The following ARHGEF10L variants were observed in gnomAD, a reference collection of about 807,000 sequenced individuals.
ARHGEF10L encodes the protein Rho guanine nucleotide exchange factor 10 like.
Under a neutral mutation model 141.2 loss-of-function variants are expected in ARHGEF10L, and 69 were observed. The ratio of observed to expected loss-of-function variants is 0.49; its 90% CI spans 0.40 to 0.60. The LOEUF is 0.60. Among genes scored for constraint, ARHGEF10L ranks in the 20% least tolerant of loss-of-function variants. The pLI, the probability that ARHGEF10L is intolerant of heterozygous loss-of-function variation, is 0.00. For synonymous variants in ARHGEF10L, 711 were observed against 718.5 expected, an observed-to-expected ratio of 0.99 and a Z score of 0.17; for missense variants, 1,482 against 1,734.3, an observed-to-expected ratio of 0.85 and a Z score of 2.58.
chr1:17,538,458 A>G (rs1365583809), upstream of ARHGEF10L, among the ~76,000 whole-genome samples: 1 of 152,186 alleles, frequency 6.6e-6, no homozygotes, highest in Non-Finnish European at 1.5e-5. Context: ...GGCTCAGGAC[A>G]ACTCTGTGGT....
chr1:17,567,601 C>T (rs2077814827), intron 1 of ARHGEF10L, among the ~76,000 whole-genome samples: 1 of 152,206 alleles, frequency 6.6e-6, no homozygotes, highest in South Asian at 2.1e-4. Context: ...CTCCTGACCT[C>T]AAGTGATCCA....
At chr1:17,581,264 A>ATC (rs539092660) in intron 2 of ARHGEF10L, among the ~76,000 whole-genome samples, 59 of 142,272 alleles carry the variant, frequency 4.1e-4, no homozygotes, top group Non-Finnish European at 7.7e-4. Flanking sequence ...GTGAGCCAAG[A>ATC]TCACACCACT....
In ARHGEF10L at chr1:17,638,608, G is replaced by A. The variant is rs551222032; in HGVS notation, c.2090G>A (p.Arg697Lys). ...CAAGACTGGTGCCTGGCCCTGCAGA[G>A]GCTGATGCGGGTGAAGGAGGAAGAG... ...VAQDWCLALQ[R>K]LMRVKEEEIH... Residue 697 changes from arginine to lysine, a missense_variant, in exon 20 of 29, where the codon AGG becomes AAG. By Grantham distance (26) the Arg-to-Lys change is conservative. Around this residue, in one of 3 missense-constraint regions of ARHGEF10L, gnomAD observed 858 missense variants for 966.3 expected, o/e 0.89. Coordinates refer to ENST00000361221, the MANE Select transcript of ARHGEF10L (RefSeq NM_018125.4). The A allele has an allele frequency of 2.8e-5, 46 of 1,614,186 alleles. No individual in the cohort carries two copies. The highest frequency in any genetic ancestry group is 3.6e-5 in the Non-Finnish European group (43 of 1,180,038).
At chr1:17,583,518 A>G (rs979590956) in intron 2 of ARHGEF10L, among the ~76,000 whole-genome samples, 7 of 152,120 alleles carry the variant, frequency 4.6e-5, no homozygotes, top group Non-Finnish European at 1.0e-4. Flanking sequence ...CCTCCTCCCA[A>G]CAACCCTGTG....
intron 26 of ARHGEF10L, among the ~76,000 whole-genome samples, chr1:17,680,176 G>A (rs961207777): frequency 1.3e-5 from 2 of 152,104 alleles, no homozygotes; most frequent in African/African-American, 2.4e-5. Flanking sequence ...GACGCTGCGC[G>A]CACAGTGCCC....
At chr1:17,608,853 C>T (rs766809950) in intron 7 of ARHGEF10L, among the ~76,000 whole-genome samples, 11 of 152,178 alleles carry the variant, frequency 7.2e-5, no homozygotes, top group African/African-American at 1.4e-4. Context: ...GGCCCTATCT[C>T]GGCTCACTGT....
chr1:17,575,574 C>T (rs925453474), intron 1 of ARHGEF10L, among the ~76,000 whole-genome samples: 5 of 152,216 alleles, frequency 3.3e-5, no homozygotes, highest in Admixed American at 2.6e-4. Context: ...AGGCCAGGCC[C>T]GGAGCCGATG....
rs1382907683 is a variant in ARHGEF10L, at chr1:17,627,350, C to T, written c.1431C>T (p.Pro477=). 3 of 1,614,098 alleles carry T rather than the reference C, an allele frequency of 1.9e-6. No individual in the cohort carries two copies. In the South Asian group the frequency reaches 3.3e-5, roughly 18 times the overall value. ...LLLQDMLKNT[P]RGHPDRLSLQ... ...GGCAGGACATGCTGAAGAACACCCC[C>T]AGGGGCCATCCGGACAGGCTGTCGC... is the stretch of plus-strand genomic sequence containing the variant. The change falls in exon 15 of 29, where the codon CCC becomes CCT. Residue 477 remains proline, a synonymous_variant. Transcript: ENST00000361221. This position sits in a 1 kb window ranked among gnomAD's most constrained non-coding sequence, Gnocchi z 4.0.
chr1:17,675,743 T>G (rs989083057), intron 26 of ARHGEF10L, among the ~76,000 whole-genome samples: 2 of 128,182 alleles, frequency 1.6e-5, no homozygotes, highest in African/African-American at 6.1e-5. Flanking sequence ...TGCAGGTGTG[T>G]TCAGGTGTAG....
intron 11 of ARHGEF10L, 150 bp from the exon 12 acceptor site, chr1:17,622,846 C>T (rs1311833607): frequency 2.0e-5 from 15 of 755,338 alleles, no homozygotes; most frequent in Non-Finnish European, 2.9e-5. Context: ...GATGGAGATC[C>T]TTCCGGAAGG....
intron 25 of ARHGEF10L, 46 bp from the exon 26 acceptor site, chr1:17,664,401 G>T: frequency 6.3e-7 from 1 of 1,581,722 alleles, no homozygotes; most frequent in South Asian, 1.1e-5. Flanking sequence ...CAGGAGACCT[G>T]CTTGCCGCTC....
At chr1:17,632,084 G>C (rs938264671) in intron 15 of ARHGEF10L, among the ~76,000 whole-genome samples, 3 of 152,170 alleles carry the variant, frequency 2.0e-5, no homozygotes, top group Non-Finnish European at 4.4e-5. Context: ...GGGCCCACAC[G>C]GGTGCTGGTG....
intron 1 of ARHGEF10L, among the ~76,000 whole-genome samples, chr1:17,552,152 G>C (rs1557696908): frequency 6.6e-6 from 1 of 152,190 alleles, no homozygotes; most frequent in South Asian, 2.1e-4. Context: ...AGGCCAGTGA[G>C]GGAGGCAGTC....
chr1:17,692,194 A>T (rs1278788606), intron 27 of ARHGEF10L, among the ~76,000 whole-genome samples: 1 of 152,116 alleles, frequency 6.6e-6, no homozygotes, highest in Non-Finnish European at 1.5e-5. Context: ...ACAGACACCC[A>T]GGTACTGTTT....
At chr1:17,547,859 T>C (rs957558339) in intron 1 of ARHGEF10L, among the ~76,000 whole-genome samples, 1 of 152,236 alleles carries the variant, frequency 6.6e-6, no homozygotes, top group African/African-American at 2.4e-5. Context: ...GTGATTCATT[T>C]ACTCATTTGG....
At chr1:17,638,041 C>T in intron 19 of ARHGEF10L, 38 bp downstream of exon 19, 1 of 1,533,358 alleles carries the variant, frequency 6.5e-7, no homozygotes, top group South Asian at 1.2e-5. Flanking sequence ...CCTGAGCTCC[C>T]CAGTGTGGGC....
chr1:17,691,821 C>T (rs1166465090), intron 27 of ARHGEF10L, among the ~76,000 whole-genome samples: 1 of 152,112 alleles, frequency 6.6e-6, no homozygotes, highest in Non-Finnish European at 1.5e-5. Context: ...TTTCTCCTTT[C>T]CTTCATCCAT....
intron 15 of ARHGEF10L, among the ~76,000 whole-genome samples, chr1:17,628,930 G>A (rs1457889817): frequency 2.0e-5 from 3 of 152,238 alleles, no homozygotes; most frequent in East Asian, 3.8e-4. Flanking sequence ...GCAGTGCCAA[G>A]CTTCAGGCAA....
chr1:17,676,319 G>C (rs982083975), intron 26 of ARHGEF10L, among the ~76,000 whole-genome samples: 1 of 147,554 alleles, frequency 6.8e-6, no homozygotes, highest in African/African-American at 2.5e-5. Flanking sequence ...GTGGGTACAG[G>C]TGTATGTTCA....
Sources: allele counts gnomAD v4.1 joint callset (sites outside exome capture counted in the v4.1 genomes callset), GRCh38; gene constraint gnomAD v4.1.1; regional missense constraint gnomAD v4.1.1; non-coding constraint Gnocchi (gnomAD v3.1); transcripts MANE v1.5; gene names NCBI Gene and HGNC (gene_info 2026-07-23, HGNC 2026-07-21).